The following PANK2 variants were observed in gnomAD, a reference collection of about 807,000 sequenced individuals.
The protein encoded by PANK2 is pantothenate kinase 2, also known as pantothenate kinase 2, mitochondrial.
In PANK2, 36 loss-of-function variants were observed where a neutral mutation model predicts 43.1. That is an observed-to-expected ratio of 0.84 (90% confidence interval 0.64 to 1.10). The LOEUF is 1.10. Among genes scored for constraint, PANK2 ranks in the 50% least tolerant of loss-of-function variants. The pLI, the probability that PANK2 is intolerant of heterozygous loss-of-function variation, is 0.00. For synonymous variants in PANK2, 281 were observed against 238.2 expected, an observed-to-expected ratio of 1.18 and a Z score of -1.66; for missense variants, 576 against 593.3, an observed-to-expected ratio of 0.97 and a Z score of 0.30.
At chr20:3,902,163 CTTT>C (rs542705456) in intron 1 of PANK2, among the ~76,000 whole-genome samples, 3 of 138,222 alleles carry the variant, frequency 2.2e-5, no homozygotes, top group African/African-American at 2.6e-5. Context: ...CTCCCTCTCT[CTTT>C]TTTTTTTTTT....
At chr20:3,902,972 GAC>G (rs11468265) in intron 1 of PANK2, among the ~76,000 whole-genome samples, 13,966 of 141,144 alleles carry the variant, frequency 0.099, 723 homozygotes, top group East Asian at 0.18. Flanking sequence ...GATGTGTATA[GAC>G]ACACACACAC....
Position 3,929,151 on chromosome 20 carries a change from G to C in PANK2, c.*5857G>C, listed in dbSNP as rs188131532. ...ATTACAGGCGTGAGCCATCGCGCCC[G>C]ACCAGAAGCATTTTCTTTTCAAAGT... On this transcript the variant is annotated 3_prime_UTR_variant, in exon 7 of 7. Transcript: ENST00000610179. 6.6e-6 allele frequency: 1 copy of C among 152,248 alleles called. No homozygotes were observed. Among genetic ancestry groups the C allele is most frequent in the Non-Finnish European group, 1.5e-5 (1 of 68,116 alleles). The allele number at this position is 152,248 out of a possible 1,614,324, so 9.4% of individuals were successfully genotyped here. A position where few individuals can be genotyped will look rare whatever the true frequency, so the allele number is the denominator to read the frequency against.
In PANK2 at chr20:3,911,907, G is replaced by A. The variant is rs1424410134; in HGVS notation, c.906-551G>A. ...CTCCATCTCAAAAAAAAAAAATGAG[G>A]ATTAGATGGAAGAAGAGAATGTTTC... On this transcript the variant is annotated intron_variant, in intron 3 of 6. Transcript: ENST00000610179. Among the ~76,000 whole-genome samples, 5 of 152,188 alleles carry A rather than the reference G, an allele frequency of 3.3e-5. No individual in the cohort carries two copies. In the East Asian group the frequency reaches 9.7e-4, roughly 29 times the overall value.
chr20:3,902,054 G>A (rs2090310390), intron 1 of PANK2, among the ~76,000 whole-genome samples: 1 of 151,754 alleles, frequency 6.6e-6, no homozygotes, highest in Admixed American at 6.6e-5. Flanking sequence ...GATAAACACT[G>A]TTCAGCCCTT....
Position 3,926,940 on chromosome 20 carries a change from CAAAAA to C in PANK2, c.*3663_*3667del, listed in dbSNP as rs11471571. The C allele has an allele frequency of 2.2e-4, 24 of 108,462 alleles. No homozygotes were observed. The highest frequency in any genetic ancestry group is 3.8e-4 in the African/African-American group (10 of 26,514). The allele number at this position is 108,462 out of a possible 1,614,324, so 6.7% of individuals were successfully genotyped here. On this transcript the variant is annotated 3_prime_UTR_variant, in exon 7 of 7. Transcript: ENST00000610179. ...AGCCTGGGTGACAGCAAGACTGTCTCAAAAAAAAAAAAAAAAAAAAATCCGCTATT... is the reference window on the plus strand; with the variant it reads ...AGCCTGGGTGACAGCAAGACTGTCTCAAAAAAAAAAAAAAAATCCGCTATT...
Position 3,889,478 on chromosome 20 carries a change from G to A in PANK2, c.48G>A (p.Gly16=), listed in dbSNP as rs1446749956. 1 of 1,495,022 alleles carries A rather than the reference G, an allele frequency of 6.7e-7. No homozygotes were observed. Among genetic ancestry groups the A allele is most frequent in the African/African-American group, 1.4e-5 (1 of 69,846 alleles). The allele number at this position is 1,495,022 out of a possible 1,614,324, so 92.6% of individuals were successfully genotyped here. ...AGCGACTGCTGCTGCGGATGGGAGG[G>A]GGCCGGCTCGGCGCGCCCATGGAGC... The change falls in exon 1 of 7, where the codon GGG becomes GGA. Residue 16 remains glycine (G), a synonymous_variant. Transcript: ENST00000610179.
intron 4 of PANK2, among the ~76,000 whole-genome samples, chr20:3,916,308 A>G (rs943963246): frequency 6.6e-6 from 1 of 152,236 alleles, no homozygotes; most frequent in Non-Finnish European, 1.5e-5. Flanking sequence ...TCATATGTAT[A>G]CATGCTTGTT....
chr20:3,910,357 T>A (rs2090449968), intron 2 of PANK2, among the ~76,000 whole-genome samples: 1 of 151,890 alleles, frequency 6.6e-6, no homozygotes. Context: ...CTGCAGTAGT[T>A]TCTATGTAGA....
Position 3,923,407 on chromosome 20 carries a change from A to G in PANK2, c.*113A>G. The G allele has an allele frequency of 8.9e-7, 1 of 1,123,588 alleles. No individual in the cohort carries two copies. Among genetic ancestry groups the G allele is most frequent in the Non-Finnish European group, 1.3e-6 (1 of 743,382 alleles). The allele number at this position is 1,123,588 out of a possible 1,614,324, so 69.6% of individuals were successfully genotyped here. On this transcript the variant is annotated 3_prime_UTR_variant, in exon 7 of 7. Transcript: ENST00000610179. ...TGTACTACCTGAAACAAAGTGAGAA[A>G]GGACAGGTGTATTTTTCTAAGTCAT...
intron 1 of PANK2, among the ~76,000 whole-genome samples, chr20:3,894,117 G>A (rs2090167007): frequency 6.6e-6 from 1 of 151,980 alleles, no homozygotes; most frequent in Admixed American, 6.6e-5. Context: ...GTTTAGTAGA[G>A]ATGGGATTTC....
At chr20:3,907,870 G>A in intron 1 of PANK2, 56 bp from the exon 2 acceptor site, 2 of 1,482,194 alleles carry the variant, frequency 1.3e-6, no homozygotes, top group African/African-American at 1.4e-5. Flanking sequence ...CTGTGGTAAG[G>A]GTAAATTTAA....
chr20:3,920,247 C>A (rs906726034), intron 6 of PANK2, among the ~76,000 whole-genome samples: 1 of 151,540 alleles, frequency 6.6e-6, no homozygotes, highest in Non-Finnish European at 1.5e-5. Context: ...TGCGGTGGCT[C>A]ACGTCTGTAA....
intron 2 of PANK2, among the ~76,000 whole-genome samples, chr20:3,909,891 C>T (rs572452758): frequency 4.6e-5 from 7 of 152,134 alleles, no homozygotes; most frequent in Admixed American, 2.6e-4. Flanking sequence ...CGTGCCCGGC[C>T]GATCCTCTTC....
intron 1 of PANK2, among the ~76,000 whole-genome samples, chr20:3,904,699 T>C (rs2090357997): frequency 6.6e-6 from 1 of 152,220 alleles, no homozygotes; most frequent in Non-Finnish European, 1.5e-5. Flanking sequence ...GGCAATCGTT[T>C]TTTAATTTTT....
At chr20:3,917,879 G>A (rs927830252) in intron 5 of PANK2, among the ~76,000 whole-genome samples, 1 of 152,036 alleles carries the variant, frequency 6.6e-6, no homozygotes, top group Non-Finnish European at 1.5e-5. Flanking sequence ...TTTAGTTGGT[G>A]TGCATACCAC....
intron 1 of PANK2, among the ~76,000 whole-genome samples, chr20:3,891,796 G>A (rs1272576518): frequency 6.6e-6 from 1 of 152,140 alleles, no homozygotes; most frequent in Non-Finnish European, 1.5e-5. Context: ...CACTGGGTGG[G>A]GAGAATTATA....
At chr20:3,911,620 G>A (rs769504278) in intron 3 of PANK2, among the ~76,000 whole-genome samples, 4 of 151,444 alleles carry the variant, frequency 2.6e-5, no homozygotes, top group African/African-American at 4.9e-5. Flanking sequence ...GGCCAGGCAC[G>A]GCAGCTTATG....
intron 1 of PANK2, among the ~76,000 whole-genome samples, chr20:3,898,155 G>GCTATGGCCTATTAATTT (rs2146832069): frequency 6.6e-6 from 1 of 151,994 alleles, no homozygotes; most frequent in Admixed American, 6.6e-5. Flanking sequence ...ATCTCTTTTG[G>GCTATGGCCTATTAATTT]CTATGGCCTA....
rs73610117 is a variant in PANK2, at chr20:3,889,763, C to T, written c.298+35C>T. 60,805 of 1,581,048 alleles carry T rather than the reference C, an allele frequency of 0.038. 2,521 individuals are homozygous for T. Among genetic ancestry groups the T allele is most frequent in the East Asian group, 0.25 (11,226 of 44,240 alleles). ...CCGTGGGGCGCCCTCCCGGCCCGCC[C>T]TGCCCCCCCTTCCGGCCCACCCTGT... On this transcript the variant is annotated intron_variant, in intron 1 of 6. Coordinates refer to ENST00000610179, the MANE Select transcript of PANK2 (RefSeq NM_001386393.1).
Sources: allele counts gnomAD v4.1 joint callset (sites outside exome capture counted in the v4.1 genomes callset), GRCh38; gene constraint gnomAD v4.1.1; transcripts MANE v1.5; gene names NCBI Gene and HGNC (gene_info 2026-07-23, HGNC 2026-07-21).